Variants in OTOF observed in about 807,000 individuals in gnomAD.
OTOF encodes the protein otoferlin.
Under a neutral mutation model 236.8 loss-of-function variants are expected in OTOF, and 218 were observed. The ratio of observed to expected loss-of-function variants is 0.92; its 90% confidence interval spans 0.82 to 1.03. The LOEUF is 1.03. Among genes scored for constraint, OTOF ranks in the 50% least tolerant of loss-of-function variants. The pLI, the probability that OTOF is intolerant of heterozygous loss-of-function variation, is 0.00. For missense variants in OTOF, 2,590 were observed against 2,694.4 expected (o/e 0.96, Z 0.86); for synonymous variants, 1,041 against 1,072.5 (o/e 0.97, Z 0.57).
intron 9 of OTOF, among the ~76,000 whole-genome samples, chr2:26,494,196 T>A (rs1285374398): frequency 6.6e-6 from 1 of 152,210 alleles, no homozygotes; most frequent in African/African-American, 2.4e-5. Context: ...GGCCTCAGTA[T>A]CCTCCTCTGT....
rs113944504 is a variant in OTOF at position 26,519,998 on chromosome 2, T to A, written c.228-889A>T. Among the ~76,000 whole-genome samples the A allele has an allele frequency of 9.7e-4, 148 of 152,328 alleles. 2 individuals are homozygous for A. The highest frequency in any genetic ancestry group is 3.9e-3 in the South Asian group (19 of 4,828). On this transcript the variant is annotated intron_variant, in intron 3 of 46. Coordinates refer to ENST00000272371, the MANE Select transcript of OTOF (RefSeq NM_194248.3). Reference sequence around the variant, plus strand: ...ATTTCTAGCACACTAGAGATCTCAATATCTGCTGGCTGAATTAATGAACAA... The same window carrying A: ...ATTTCTAGCACACTAGAGATCTCAAAATCTGCTGGCTGAATTAATGAACAA...
intron 8 of OTOF, among the ~76,000 whole-genome samples, chr2:26,496,695 C>T (rs922844235): frequency 2.6e-5 from 4 of 152,082 alleles, no homozygotes; most frequent in Non-Finnish European, 5.9e-5. Flanking sequence ...GTGTCAGTTC[C>T]TGTCAGGGTG....
chr2:26,543,119 C>T (rs1278377089), intron 1 of OTOF, among the ~76,000 whole-genome samples: 1 of 152,200 alleles, frequency 6.6e-6, no homozygotes, highest in Admixed American at 6.5e-5. Context: ...TCCTCTCCCT[C>T]TCTTCCTCTA....
intron 9 of OTOF, among the ~76,000 whole-genome samples, chr2:26,490,605 C>A (rs140062936): frequency 2.6e-5 from 4 of 152,164 alleles, no homozygotes; most frequent in Non-Finnish European, 5.9e-5. Context: ...CCGAAGAGAA[C>A]GTGCTCCTGG....
intron 35 of OTOF, 94 bp downstream of exon 35, chr2:26,467,005 G>A: frequency 6.4e-7 from 1 of 1,574,280 alleles, no homozygotes; most frequent in Non-Finnish European, 8.7e-7. Context: ...TCTGGAGGCA[G>A]TGGCCGGGGC....
intron 1 of OTOF, among the ~76,000 whole-genome samples, chr2:26,552,822 G>T (rs1301220857): frequency 6.6e-6 from 1 of 152,188 alleles, no homozygotes; most frequent in Non-Finnish European, 1.5e-5. Flanking sequence ...TCCACAGCCA[G>T]CCACCGGCTG....
chr2:26,515,616 G>C (rs1666504316), intron 5 of OTOF, among the ~76,000 whole-genome samples: 1 of 152,186 alleles, frequency 6.6e-6, no homozygotes, highest in Non-Finnish European at 1.5e-5. Flanking sequence ...CGTGGAAGGA[G>C]CTTACAGGGA....
At chr2:26,478,823 C>T (rs538228506) in intron 18 of OTOF, among the ~76,000 whole-genome samples, 3 of 152,180 alleles carry the variant, frequency 2.0e-5, no homozygotes, top group African/African-American at 4.8e-5. Flanking sequence ...TTCAGCCTCC[C>T]GAATAGCTGG....
chr2:26,460,568 T>C lies in OTOF; in HGVS notation c.5813+79A>G. 1 of 1,095,784 alleles carries C rather than the reference T, an allele frequency of 9.1e-7. No homozygotes were observed. Among genetic ancestry groups the C allele is most frequent in the Non-Finnish European group, 1.4e-6 (1 of 722,640 alleles). The allele number at this position is 1,095,784 out of a possible 1,614,324, so 67.9% of individuals were successfully genotyped here. On this transcript the variant is annotated intron_variant, in intron 45 of 46. Coordinates refer to ENST00000272371, the MANE Select transcript of OTOF (RefSeq NM_194248.3). The surrounding 1 kb of genome is among the most constrained non-coding windows in gnomAD (Gnocchi z 5.3). Reference sequence around the variant, plus strand: ...GGCTGTGGCCCAGGAAGAGATGGGGTGTCTGGGGATCGTCTCCTTCCTGTT... The same window carrying C: ...GGCTGTGGCCCAGGAAGAGATGGGGCGTCTGGGGATCGTCTCCTTCCTGTT...
chr2:26,486,924 G>A (rs1217858409), intron 11 of OTOF, among the ~76,000 whole-genome samples: 1 of 152,152 alleles, frequency 6.6e-6, no homozygotes. Context: ...CCAGTCAAGG[G>A]TAGCCCAGCT....
chr2:26,502,552 G>C, intron 6 of OTOF, 126 bp from the exon 7 acceptor site: 1 of 946,192 alleles, frequency 1.1e-6, no homozygotes, highest in Non-Finnish European at 1.6e-6. Context: ...CTACCGCTTA[G>C]AATATTATGG....
chr2:26,463,477 G>A lies in OTOF; in HGVS notation c.5192+6C>T, dbSNP rs1423174724. 9 of 1,592,484 alleles carry A rather than the reference G, an allele frequency of 5.7e-6. No individual in the cohort carries two copies. Among genetic ancestry groups the A allele is most frequent in the South Asian group, 4.6e-5 (4 of 87,532 alleles). ...AGGGAGTAGCGCTGGGCCCCAGGCC[G>A]CTCACTTCTTGGGCTTCCGAGGTGA... is the stretch of plus-strand genomic sequence containing the variant. On this transcript the variant is annotated splice_donor_region_variant and intron_variant, in intron 41 of 46. Transcript: ENST00000272371.
At chr2:26,525,056 A>G (rs74551407) in intron 3 of OTOF, among the ~76,000 whole-genome samples, 6,641 of 152,190 alleles carry the variant, frequency 0.044, 502 homozygotes, top group African/African-American at 0.15. Context: ...CCCTCATGGT[A>G]TCTCACCCCA....
chr2:26,522,970 C>T (rs757716495), intron 3 of OTOF, among the ~76,000 whole-genome samples: 11 of 152,352 alleles, frequency 7.2e-5, no homozygotes, highest in African/African-American at 1.9e-4. Flanking sequence ...CGTAATTAGC[C>T]GGCAGGAAAA....
chr2:26,552,899 C>G (rs1012416376), intron 1 of OTOF, among the ~76,000 whole-genome samples: 1 of 152,222 alleles, frequency 6.6e-6, no homozygotes, highest in Non-Finnish European at 1.5e-5. Context: ...CTCACATTCT[C>G]CAAGAGAGGG....
chr2:26,542,906 C>T (rs548447918), intron 1 of OTOF, among the ~76,000 whole-genome samples: 17 of 152,292 alleles, frequency 1.1e-4, no homozygotes, highest in African/African-American at 3.6e-4. Context: ...AGCCTATCTC[C>T]CAGCAGTGCC....
chr2:26,495,089 G>T lies in OTOF; in HGVS notation c.766-16C>A, dbSNP rs764673915. 3.7e-6 allele frequency: 6 copies of T among 1,613,872 alleles called. No individual in the cohort carries two copies. In the South Asian group the frequency reaches 6.6e-5, roughly 18 times the overall value. On this transcript the variant is annotated splice_polypyrimidine_tract_variant and intron_variant, in intron 8 of 46. Transcript: ENST00000272371. ...TGATGCTGACCTGCAGGCAGGAGAA[G>T]GGGGAGCCAGAAGGAAAGCTGCCTG...
intron 26 of OTOF, 51 bp from the exon 27 acceptor site, chr2:26,474,161 C>A: frequency 6.2e-7 from 1 of 1,610,646 alleles, no homozygotes; most frequent in Non-Finnish European, 8.5e-7. Context: ...GGGACAGGGT[C>A]TCTTTCCCCA....
At chr2:26,465,168 C>A in intron 38 of OTOF, 139 bp from the exon 39 acceptor site, 1 of 709,998 alleles carries the variant, frequency 1.4e-6, no homozygotes, top group Non-Finnish European at 2.2e-6. Flanking sequence ...CCCTGGGCCC[C>A]AGGCTCACCT....
Sources: allele counts gnomAD v4.1 joint callset (sites outside exome capture counted in the v4.1 genomes callset), GRCh38; gene constraint gnomAD v4.1.1; non-coding constraint Gnocchi (gnomAD v3.1); transcripts MANE v1.5; gene names NCBI Gene and HGNC (gene_info 2026-07-23, HGNC 2026-07-21).